Variants in CADM2 observed in about 807,000 individuals in gnomAD.
CADM2 encodes the protein cell adhesion molecule 2, also known as immunoglobulin superfamily member 4D.
CADM2 carries 12 observed loss-of-function variants against 49.8 expected under a neutral mutation model. That is an observed-to-expected ratio of 0.24 (90% CI 0.15 to 0.39). The LOEUF is 0.39. CADM2 is among the 10% of genes least tolerant of loss of function. The pLI, the probability that CADM2 is intolerant of heterozygous loss-of-function variation, is 1.00. For synonymous variants in CADM2, 214 were observed against 175.4 expected, an observed-to-expected ratio of 1.22 and a Z score of -1.74; for missense variants, 378 against 492.3, an observed-to-expected ratio of 0.77 and a Z score of 2.20.
chr3:85,936,481 G>T (rs913818952), intron 7 of CADM2, among the ~76,000 whole-genome samples: 3 of 151,614 alleles, frequency 2.0e-5, no homozygotes, highest in Non-Finnish European at 3.0e-5. Flanking sequence ...CTTACATATG[G>T]ATATTTAATT....
chr3:85,883,266 C>A, intron 3 of CADM2, 25 bp from the exon 4 acceptor site: 1 of 1,588,104 alleles, frequency 6.3e-7, no homozygotes, highest in Non-Finnish European at 8.6e-7. Context: ...TCCTTATTTA[C>A]ATTTTCAATA....
chr3:85,476,402 A>G (rs1185069466), intron 1 of CADM2, among the ~76,000 whole-genome samples: 2 of 151,960 alleles, frequency 1.3e-5, no homozygotes, highest in African/African-American at 4.8e-5. Flanking sequence ...ATTGAAGAAA[A>G]TATTTCTCCA....
At chr3:85,715,550 G>GA (rs1194298181) in intron 1 of CADM2, among the ~76,000 whole-genome samples, 1 of 152,116 alleles carries the variant, frequency 6.6e-6, no homozygotes, top group African/African-American at 2.4e-5. Context: ...TACATGTGCA[G>GA]AACGTGCAGG....
At chr3:85,734,526 T>A (rs955890561) in intron 2 of CADM2, among the ~76,000 whole-genome samples, 1 of 141,248 alleles carries the variant, frequency 7.1e-6, no homozygotes, top group Non-Finnish European at 1.6e-5. Context: ...CATACACACA[T>A]ACACACACAT....
intron 8 of CADM2, among the ~76,000 whole-genome samples, chr3:86,031,358 A>C (rs915095434): frequency 2.0e-5 from 3 of 151,822 alleles, no homozygotes; most frequent in Non-Finnish European, 4.4e-5. Context: ...TAAGATATGA[A>C]CCATCTGAGC....
intron 7 of CADM2, among the ~76,000 whole-genome samples, chr3:85,955,057 A>T (rs189023746): frequency 5.3e-4 from 80 of 151,492 alleles, no homozygotes; most frequent in African/African-American, 1.9e-3. Flanking sequence ...GACATGGTGC[A>T]TAAGGCATAA....
At chr3:85,186,871 A>T (rs2041078089) in intron 1 of CADM2, among the ~76,000 whole-genome samples, 1 of 152,164 alleles carries the variant, frequency 6.6e-6, no homozygotes, top group African/African-American at 2.4e-5. Context: ...GTAAGGGTAT[A>T]TTTAAGAAAG....
chr3:85,080,247 T>C (rs1255882567), intron 1 of CADM2, among the ~76,000 whole-genome samples: 1 of 151,984 alleles, frequency 6.6e-6, no homozygotes, highest in Non-Finnish European at 1.5e-5. Context: ...CCTTTAGAAA[T>C]TTCATTACAT....
intron 5 of CADM2, among the ~76,000 whole-genome samples, chr3:85,887,993 T>C (rs1713904549): frequency 6.6e-6 from 1 of 152,222 alleles, no homozygotes; most frequent in Non-Finnish European, 1.5e-5. Context: ...ACACGTCACA[T>C]ATTTCCTTTT....
rs965693916 is a variant in CADM2 at position 85,121,502 on chromosome 3, G to A, written c.61+161834G>A. Among the ~76,000 whole-genome samples, 16 of 152,110 alleles carry A rather than the reference G, an allele frequency of 1.1e-4. 1 individual carries two copies. Among genetic ancestry groups the A allele is most frequent in the Non-Finnish European group, 1.2e-4 (8 of 68,010 alleles). Reference sequence around the variant, plus strand: ...TAAAGAGATGAGAGAATATGGCGAGGCTTGGATCTGAGAACAGGTACTCAC... The same window carrying A: ...TAAAGAGATGAGAGAATATGGCGAGACTTGGATCTGAGAACAGGTACTCAC... On this transcript the variant is annotated intron_variant, in intron 1 of 9. Transcript: ENST00000383699.
intron 1 of CADM2, among the ~76,000 whole-genome samples, chr3:85,505,136 CG>C (rs2040287730): frequency 6.6e-6 from 1 of 152,230 alleles, no homozygotes; most frequent in African/African-American, 2.4e-5. Flanking sequence ...AGTGCAGCGG[CG>C]GGCTGAAGGG....
chr3:86,060,009 A>G (rs1486962644), intron 8 of CADM2, among the ~76,000 whole-genome samples: 1 of 152,164 alleles, frequency 6.6e-6, no homozygotes, highest in African/African-American at 2.4e-5. Context: ...ATGTTGATTT[A>G]CTTTGTCAAT....
intron 1 of CADM2, among the ~76,000 whole-genome samples, chr3:84,969,263 G>C (rs1222596745): frequency 4.6e-5 from 7 of 151,916 alleles, no homozygotes; most frequent in Non-Finnish European, 1.0e-4. Flanking sequence ...TTTATAAGCT[G>C]ATATAATAAA....
chr3:85,378,990 T>C (rs1346099773), intron 1 of CADM2, among the ~76,000 whole-genome samples: 8 of 151,962 alleles, frequency 5.3e-5, no homozygotes, highest in Non-Finnish European at 1.2e-4. Context: ...ACCATCAATG[T>C]AGTATATGTA....
rs546902059 is a variant in CADM2 at position 85,110,030 on chromosome 3, C to T, written c.61+150362C>T. 5.9e-5 allele frequency among the ~76,000 whole-genome samples: 9 copies of T among 151,998 alleles called. No homozygotes were observed. The South Asian group carries it at 1.5e-3, about 24-fold the overall frequency. ...GTGAATGGCTATCTACAATTACTAT[C>T]TGGTTTAGGAGACACTTGGAAAAAT... On this transcript the variant is annotated intron_variant, in intron 1 of 9. Coordinates refer to ENST00000383699, the MANE Select transcript of CADM2 (RefSeq NM_001167675.2).
chr3:85,745,652 G>A (rs1301883249), intron 2 of CADM2, among the ~76,000 whole-genome samples: 5 of 152,092 alleles, frequency 3.3e-5, no homozygotes, highest in African/African-American at 1.2e-4. Flanking sequence ...AATCACTTGA[G>A]ACCAAGAGTT....
In CADM2 at chr3:85,485,997, T is replaced by C. The variant is rs372896459; in HGVS notation, c.62-240525T>C. 3.7e-4 allele frequency among the ~76,000 whole-genome samples: 57 copies of C among 152,220 alleles called. 1 individual carries two copies. Among genetic ancestry groups the C allele is most frequent in the East Asian group, 3.5e-3 (18 of 5,180 alleles). ...TAATGACCTTCAAAACTTGTTCTTATTTGTTGCTGCTGAGTTAAGAACCGA... is the reference window on the plus strand; with the variant it reads ...TAATGACCTTCAAAACTTGTTCTTACTTGTTGCTGCTGAGTTAAGAACCGA... On this transcript the variant is annotated intron_variant, in intron 1 of 9. Coordinates refer to ENST00000383699, the MANE Select transcript of CADM2 (RefSeq NM_001167675.2).
intron 1 of CADM2, among the ~76,000 whole-genome samples, chr3:85,649,333 G>A (rs541309644): frequency 4.3e-4 from 66 of 152,030 alleles, no homozygotes; most frequent in African/African-American, 1.6e-3. Context: ...TATTTATGTA[G>A]GACATCACTT....
chr3:85,977,806 G>A (rs1031557977), intron 8 of CADM2, among the ~76,000 whole-genome samples: 11 of 151,440 alleles, frequency 7.3e-5, no homozygotes, highest in African/African-American at 2.2e-4. Context: ...TAATCTGACT[G>A]GCCAGGAAGC....
Sources: gnomAD v4.1 joint callset for allele counts (sites outside exome capture counted in the v4.1 genomes callset) on GRCh38, gnomAD v4.1.1 for gene constraint, MANE v1.5 for transcripts, NCBI Gene and HGNC (gene_info 2026-07-23, HGNC 2026-07-21) for gene names.